Variants in SGPL1 observed in about 807,000 individuals in gnomAD.
The protein encoded by SGPL1 is SP-lyase 1.
SGPL1 carries 37 observed loss-of-function variants against 68.9 expected under a neutral mutation model. That is an observed-to-expected ratio of 0.54 (90% CI 0.41 to 0.71). SGPL1 has a LOEUF of 0.71. Ranked by LOEUF, SGPL1 falls within the 30% of genes least tolerant of loss-of-function variation. SGPL1 has a pLI of 0.00. For synonymous variants in SGPL1, 236 were observed against 248.5 expected (o/e 0.95, Z 0.47); for missense variants, 551 against 704.6 (o/e 0.78, Z 2.47).
At chr10:70,851,494 A>G (rs1845880785) in intron 4 of SGPL1, among the ~76,000 whole-genome samples, 1 of 151,664 alleles carries the variant, frequency 6.6e-6, no homozygotes, top group Non-Finnish European at 1.5e-5. Context: ...TCTGGCTGGA[A>G]ATGTCAAAAT....
chr10:70,876,284 G>A (rs1846382968), intron 13 of SGPL1, among the ~76,000 whole-genome samples: 1 of 152,112 alleles, frequency 6.6e-6, no homozygotes. Flanking sequence ...GAGGGGATGG[G>A]TGGGACAAAG....
At chr10:70,837,836 C>A (rs1258406514) in intron 2 of SGPL1, among the ~76,000 whole-genome samples, 2 of 152,130 alleles carry the variant, frequency 1.3e-5, no homozygotes, top group African/African-American at 4.8e-5. Flanking sequence ...GTTCTAGAGG[C>A]TGGGAAGTCC....
intron 2 of SGPL1, among the ~76,000 whole-genome samples, chr10:70,824,054 T>C (rs1040836940): frequency 2.6e-5 from 4 of 152,174 alleles, no homozygotes; most frequent in Non-Finnish European, 5.9e-5. Context: ...CCCTAGACCT[T>C]AGAGAGTGCC....
chr10:70,872,117 C>A (rs1350394473), intron 11 of SGPL1, 131 bp downstream of exon 11: 4 of 913,848 alleles, frequency 4.4e-6, no homozygotes, highest in Non-Finnish European at 6.4e-6. Flanking sequence ...TTTAAACTCT[C>A]TCTTTGCCGT....
chr10:70,875,384 TTA>T lies in SGPL1; in HGVS notation c.1299-16_1299-15del, dbSNP rs767652573. On this transcript the variant is annotated splice_polypyrimidine_tract_variant and intron_variant, in intron 12 of 14. Transcript: ENST00000373202. Reference sequence around the variant, plus strand: ...CTGAATTTACTTTTTCTTCCTTCATTTATTTTTTTGTTTTAAGACTGGAAAAT... The same window carrying T: ...CTGAATTTACTTTTTCTTCCTTCATTTTTTTTTGTTTTAAGACTGGAAAAT... The T allele has an allele frequency of 1.4e-6, 2 of 1,443,100 alleles. No individual in the cohort carries two copies. Among genetic ancestry groups the T allele is most frequent in the South Asian group, 2.3e-5 (2 of 86,378 alleles). 89.4% of individuals were successfully genotyped at this position (1,443,100 alleles called of 1,614,324 possible).
At chr10:70,819,290 A>C (rs191669437) in intron 2 of SGPL1, among the ~76,000 whole-genome samples, 1 of 152,350 alleles carries the variant, frequency 6.6e-6, no homozygotes, top group Non-Finnish European at 1.5e-5. Flanking sequence ...GAATTAATCC[A>C]CATAGATGCG....
At chr10:70,873,105 G>A (rs575275533) in intron 11 of SGPL1, among the ~76,000 whole-genome samples, 25 of 152,284 alleles carry the variant, frequency 1.6e-4, no homozygotes, top group African/African-American at 6.0e-4. Context: ...GGAGTAAACC[G>A]ATTAACTGGG....
Position 70,879,040 on chromosome 10 carries a change from C to G in SGPL1, c.*1705C>G, listed in dbSNP as rs897868440. The G allele has an allele frequency of 1.3e-5, 2 of 152,766 alleles. No homozygotes were observed. Among genetic ancestry groups the G allele is most frequent in the African/African-American group, 4.8e-5 (2 of 41,432 alleles). The allele number at this position is 152,766 out of a possible 1,614,324, so 9.5% of individuals were successfully genotyped here. A position where few individuals can be genotyped will look rare whatever the true frequency, so the allele number is the denominator to read the frequency against. On this transcript the variant is annotated 3_prime_UTR_variant, in exon 15 of 15. Transcript: ENST00000373202. ...GCTCTTATGACATTATATCTTGTGC[C>G]TTTCTCCTCAGCAGTGAGCAGTGAG...
Position 70,871,923 on chromosome 10 carries a change from A to G in SGPL1, c.996A>G (p.Pro332=). 1 of 1,614,162 alleles carries G rather than the reference A, an allele frequency of 6.2e-7. No homozygotes were observed. Among genetic ancestry groups the G allele is most frequent in the Non-Finnish European group, 8.5e-7 (1 of 1,180,018 alleles). ...TCTTTATGGAGAAAGCAGGATACCCACTGGAGCACCCATTTGATTTCCGGG... is the reference window on the plus strand; with the variant it reads ...TCTTTATGGAGAAAGCAGGATACCCGCTGGAGCACCCATTTGATTTCCGGG... ...LIVFMEKAGY[P]LEHPFDFRVK... Residue 332 remains proline, a synonymous_variant, in exon 11 of 15, where the codon CCA becomes CCG. Coordinates refer to ENST00000373202, the MANE Select transcript of SGPL1 (RefSeq NM_003901.4).
chr10:70,873,683 C>CTAT, intron 12 of SGPL1, 94 bp downstream of exon 12: 1 of 919,324 alleles, frequency 1.1e-6, no homozygotes, highest in South Asian at 1.4e-5. Flanking sequence ...ATAGCCCTAG[C>CTAT]CCACCTGTTG....
In SGPL1 at chr10:70,869,792, T is replaced by C; in HGVS notation, c.705T>C (p.Ile235=). 1 of 1,613,378 alleles carries C rather than the reference T, an allele frequency of 6.2e-7. No individual in the cohort carries two copies. Among genetic ancestry groups the C allele is most frequent in the Non-Finnish European group, 8.5e-7 (1 of 1,179,432 alleles). Reference sequence around the variant, plus strand: ...TATTCTCCTCTTCCCTGTCATTTAGTGTGGCTCCCCAAAGTGCCCATGCTG... The same window carrying C: ...TATTCTCCTCTTCCCTGTCATTTAGCGTGGCTCCCCAAAGTGCCCATGCTG... ...AFEKGIKTPE[I]VAPQSAHAAF... Residue 235 remains isoleucine, a splice_region_variant and synonymous_variant, in exon 9 of 15, where the codon ATT becomes ATC. Transcript: ENST00000373202.
At chr10:70,862,985 A>G (rs1343315935) in intron 7 of SGPL1, among the ~76,000 whole-genome samples, 1 of 151,904 alleles carries the variant, frequency 6.6e-6, no homozygotes, top group African/African-American at 2.4e-5. Context: ...TTCTCCTTTT[A>G]TTTTATTATT....
Position 70,876,677 on chromosome 10 carries a change from G to A in SGPL1, c.1566+16G>A. The A allele has an allele frequency of 4.4e-6, 7 of 1,592,224 alleles. No individual in the cohort carries two copies. The highest frequency in any genetic ancestry group is 6.0e-6 in the Non-Finnish European group (7 of 1,169,498). On this transcript the variant is annotated intron_variant, in intron 14 of 14. Transcript: ENST00000373202. ...CACAGGAATGGTAGGGACACTTGGA[G>A]TTTTTTTTCTTCTCTTGGAAATTTA...
rs552052667 is a variant in SGPL1, at chr10:70,825,028, G to A, written c.27+8148G>A. On this transcript the variant is annotated intron_variant, in intron 2 of 14. Transcript: ENST00000373202. ...CGCCCAGGCTAGAGTGCAGTGGCTC[G>A]ATCTCGGCTCACTGCAACCTCCGCC... 2.0e-3 allele frequency among the ~76,000 whole-genome samples: 292 copies of A among 147,412 alleles called. 1 individual carries two copies. The highest frequency in any genetic ancestry group is 3.3e-3 in the Non-Finnish European group (223 of 67,448).
At chr10:70,839,291 G>GT (rs1564621229) in intron 2 of SGPL1, among the ~76,000 whole-genome samples, 2 of 150,504 alleles carry the variant, frequency 1.3e-5, no homozygotes, top group African/African-American at 4.9e-5. Context: ...ATAAGAGTTT[G>GT]TTTTTTTCTT....
rs1846287428 is a variant in SGPL1, at chr10:70,871,119, A to G, written c.882A>G (p.Val294=). The G allele has an allele frequency of 5.6e-6, 9 of 1,613,662 alleles. No homozygotes were observed. Among genetic ancestry groups the G allele is most frequent in the African/African-American group, 1.3e-5 (1 of 75,040 alleles). Residue 294 remains valine (V), a synonymous_variant, in exon 10 of 15, where the codon GTA becomes GTG. Transcript: ENST00000373202. ...CTACCCCACAGTTTCCTCATGGTGT[A>G]ATAGATCCTGTCCCTGAAGTGGCCA... The part of the protein sequence containing the change: ...VCSTPQFPHG[V]IDPVPEVAKL...
chr10:70,839,468 T>TC (rs1845682642), intron 2 of SGPL1, among the ~76,000 whole-genome samples: 1 of 152,074 alleles, frequency 6.6e-6, no homozygotes, highest in Non-Finnish European at 1.5e-5. Context: ...AGCACCCCTG[T>TC]CCCCCTTCCC....
intron 2 of SGPL1, among the ~76,000 whole-genome samples, chr10:70,827,300 C>T (rs1845454499): frequency 6.6e-6 from 1 of 152,152 alleles, no homozygotes; most frequent in Non-Finnish European, 1.5e-5. Flanking sequence ...GTTTACCAAC[C>T]ACTTGGATTT....
intron 12 of SGPL1, 101 bp downstream of exon 12, chr10:70,873,690 G>A (rs1032470440): frequency 2.3e-6 from 2 of 861,584 alleles, no homozygotes; most frequent in Non-Finnish European, 1.9e-6. Context: ...TAGCCCACCT[G>A]TTGTCTCCTG....
Sources: allele counts gnomAD v4.1 joint callset (sites outside exome capture counted in the v4.1 genomes callset), GRCh38; gene constraint gnomAD v4.1.1; transcripts MANE v1.5; gene names NCBI Gene and HGNC (gene_info 2026-07-23, HGNC 2026-07-21).